The following VPS13B variants were observed in gnomAD, a reference collection of about 807,000 sequenced individuals.
VPS13B encodes vacuolar protein sorting 13 homolog B, also known as intermembrane lipid transfer protein VPS13B.
In VPS13B, 285 loss-of-function variants were observed where a neutral mutation model predicts 426.4. The ratio of observed to expected loss-of-function variants is 0.67; its 90% CI spans 0.61 to 0.74. VPS13B has a LOEUF of 0.74. Ranked by LOEUF, VPS13B falls within the 30% of genes least tolerant of loss-of-function variation. VPS13B has a pLI of 0.00. For missense variants in VPS13B, 4,537 were observed against 4,782.6 expected (o/e 0.95, Z 1.51); for synonymous variants, 1,676 against 1,676.4 (o/e 1.00, Z 0.01).
intron 21 of VPS13B, among the ~76,000 whole-genome samples, chr8:99,423,123 T>TC (rs1424481259): frequency 6.6e-6 from 1 of 152,214 alleles, no homozygotes; most frequent in African/African-American, 2.4e-5. Context: ...TCCTTTCCTT[T>TC]CTTTCTTTTT....
intron 23 of VPS13B, among the ~76,000 whole-genome samples, chr8:99,466,052 G>T (rs1415410504): frequency 6.6e-6 from 1 of 151,990 alleles, no homozygotes. Context: ...AATATTTGTA[G>T]TATGATCTAC....
chr8:99,180,408 T>C (rs535417031), intron 16 of VPS13B, among the ~76,000 whole-genome samples: 10 of 152,328 alleles, frequency 6.6e-5, no homozygotes, highest in Middle Eastern at 3.4e-3. Context: ...GTAAACAAAA[T>C]AGACCTTGTC....
At chr8:99,710,052 T>C (rs544228016) in intron 36 of VPS13B, among the ~76,000 whole-genome samples, 3 of 152,226 alleles carry the variant, frequency 2.0e-5, no homozygotes, top group Admixed American at 1.3e-4. Context: ...GTGATGATTT[T>C]ATATCGTAAA....
intron 19 of VPS13B, among the ~76,000 whole-genome samples, chr8:99,323,864 A>G (rs3134309): frequency 0.83 from 125,690 of 152,136 alleles, 52,444 homozygotes; most frequent in South Asian, 0.89. Context: ...TGATTTATTG[A>G]ATATCTTGGA....
chr8:99,069,791 G>C lies in VPS13B; in HGVS notation c.292-26521G>C, dbSNP rs77834898. Among the ~76,000 whole-genome samples the C allele has an allele frequency of 3.8e-3, 583 of 152,242 alleles. 2 individuals are homozygous for C. Among genetic ancestry groups the C allele is most frequent in the African/African-American group, 0.013 (543 of 41,532 alleles). On this transcript the variant is annotated intron_variant, in intron 3 of 61. Coordinates refer to ENST00000357162, the MANE Select transcript of VPS13B (RefSeq NM_152564.5). ...GGAAGAGTATTGGCAGAAAACTTTA[G>C]AGCGCATATAGTTTACTTTTAAAAA... is the stretch of plus-strand genomic sequence containing the variant.
intron 33 of VPS13B, among the ~76,000 whole-genome samples, chr8:99,586,016 C>T (rs1588520792): frequency 6.6e-6 from 1 of 152,168 alleles, no homozygotes; most frequent in South Asian, 2.1e-4. Context: ...CTCTACTTAG[C>T]CTCCTGCTGC....
chr8:99,070,173 C>G (rs1844779968), intron 3 of VPS13B, among the ~76,000 whole-genome samples: 1 of 152,194 alleles, frequency 6.6e-6, no homozygotes, highest in Non-Finnish European at 1.5e-5. Context: ...CTTAGCCTCC[C>G]AAAGTGCTGG....
chr8:99,781,915 A>C (rs1563915086), intron 42 of VPS13B, among the ~76,000 whole-genome samples: 2 of 152,296 alleles, frequency 1.3e-5, no homozygotes, highest in East Asian at 3.9e-4. Flanking sequence ...TTACAAGTAG[A>C]GCAGTTCATG....
chr8:99,193,224 C>T (rs569946248), intron 17 of VPS13B, among the ~76,000 whole-genome samples, 167 bp downstream of exon 17: 1 of 152,212 alleles, frequency 6.6e-6, no homozygotes, highest in Admixed American at 6.5e-5. Flanking sequence ...ATGAGTTAAG[C>T]CATCCAGTTT....
chr8:99,851,794 G>A (rs979406595), intron 55 of VPS13B, among the ~76,000 whole-genome samples: 17 of 152,042 alleles, frequency 1.1e-4, no homozygotes, highest in Admixed American at 3.9e-4. Context: ...CCATTGAAGG[G>A]CTTAGCTTTA....
At chr8:99,156,819 A>G in intron 15 of VPS13B, 76 bp downstream of exon 15, 4 of 1,434,940 alleles carry the variant, frequency 2.8e-6, no homozygotes, top group Non-Finnish European at 2.9e-6. Context: ...TTTTTTCTTG[A>G]TGTTGTAATT....
intron 2 of VPS13B, among the ~76,000 whole-genome samples, chr8:99,027,857 G>T (rs1471328263): frequency 2.0e-5 from 3 of 151,940 alleles, no homozygotes; most frequent in African/African-American, 7.3e-5. Context: ...GTGAACAAAG[G>T]TCTCTGGTTT....
intron 33 of VPS13B, among the ~76,000 whole-genome samples, chr8:99,640,098 AAAGAAAAGAAAAG>A (rs1316626820): frequency 3.3e-5 from 5 of 149,450 alleles, no homozygotes; most frequent in East Asian, 2.0e-4. Context: ...AAAGAAAAGA[AAAGAAAAGAAAAG>A]AAGAAGAAGC....
intron 19 of VPS13B, among the ~76,000 whole-genome samples, chr8:99,282,462 G>A (rs565915558): frequency 1.1e-4 from 16 of 152,074 alleles, no homozygotes; most frequent in Non-Finnish European, 1.5e-4. Context: ...TTTTTCACAC[G>A]AACTACTCTT....
intron 39 of VPS13B, among the ~76,000 whole-genome samples, chr8:99,725,928 G>C (rs1418152632): frequency 6.6e-6 from 1 of 152,108 alleles, no homozygotes; most frequent in Non-Finnish European, 1.5e-5. Flanking sequence ...CTTAGGTTTA[G>C]TCCTCAAAAC....
intron 5 of VPS13B, among the ~76,000 whole-genome samples, chr8:99,110,418 A>G (rs539970056): frequency 1.3e-5 from 2 of 152,148 alleles, no homozygotes; most frequent in Non-Finnish European, 2.9e-5. Context: ...CTTTGAAAAT[A>G]TACTCTAGAG....
rs144350008 is a variant in VPS13B, at chr8:99,784,336, G to A, written c.7801G>A (p.Glu2601Lys). 354 of 1,613,668 alleles carry A rather than the reference G, an allele frequency of 2.2e-4. 3 individuals carry two copies. The East Asian group carries it at 7.5e-3, about 34-fold the overall frequency. ...TCAGAACAAATGCCCTGAGGTAGAG[G>A]AGTTGGTCTTCAGCCATTTTGTGAT... is the stretch of plus-strand genomic sequence containing the variant. ...WQQNKCPEVE[E>K]LVFSHFVICN... Residue 2601 changes from glutamate (E) to lysine (K), a missense_variant, in exon 43 of 62, where the codon GAG becomes AAG. By Grantham distance (56) the Glu-to-Lys change is moderately conservative. Transcript: ENST00000357162.
chr8:99,575,609 G>A, intron 31 of VPS13B, 49 bp from the exon 32 acceptor site: 1 of 1,611,016 alleles, frequency 6.2e-7, no homozygotes, highest in Non-Finnish European at 8.5e-7. Flanking sequence ...AATGAAAATT[G>A]TCTTTGAAAA....
chr8:99,488,608 A>G (rs1820427514), intron 25 of VPS13B, among the ~76,000 whole-genome samples: 1 of 152,182 alleles, frequency 6.6e-6, no homozygotes. Context: ...TGTCAGACGG[A>G]TACTTTAGAC....
Sources: allele counts gnomAD v4.1 joint callset (sites outside exome capture counted in the v4.1 genomes callset), GRCh38; gene constraint gnomAD v4.1.1; transcripts MANE v1.5; gene names NCBI Gene and HGNC (gene_info 2026-07-23, HGNC 2026-07-21).